Variants in ADGRL2 observed in about 807,000 individuals in gnomAD.
ADGRL2 encodes calcium-independent alpha-latrotoxin receptor 2.
Under a neutral mutation model 157.4 loss-of-function variants are expected in ADGRL2, and 44 were observed. The observed-to-expected ratio is 0.28, with a 90% confidence interval of 0.22 to 0.36. ADGRL2 has a LOEUF of 0.36. ADGRL2 is among the 10% of genes least tolerant of loss of function. The pLI, the probability that ADGRL2 is intolerant of heterozygous loss-of-function variation, is 1.00. For missense variants in ADGRL2, 1,510 were observed against 1,768.9 expected, an observed-to-expected ratio of 0.85 and a Z score of 2.63; for synonymous variants, 585 against 624.7, an observed-to-expected ratio of 0.94 and a Z score of 0.95.
chr1:81,602,376 C>T (rs1265304903), intron 3 of ADGRL2, among the ~76,000 whole-genome samples: 3 of 152,122 alleles, frequency 2.0e-5, no homozygotes, highest in South Asian at 2.1e-4. Flanking sequence ...AGGTAGATCA[C>T]GAGGTCAGGA....
intron 2 of ADGRL2, among the ~76,000 whole-genome samples, chr1:81,564,113 TA>T (rs2148465735): frequency 6.6e-6 from 1 of 152,308 alleles, no homozygotes; most frequent in East Asian, 1.9e-4. Context: ...TGTATATTCA[TA>T]GTCACTGATG....
intron 1 of ADGRL2, among the ~76,000 whole-genome samples, chr1:81,358,380 C>T (rs2075907793): frequency 6.6e-6 from 1 of 152,108 alleles, no homozygotes; most frequent in Admixed American, 6.5e-5. Flanking sequence ...CCATTGTATG[C>T]CCTGTGTACT....
chr1:81,372,221 A>G (rs2100993050), intron 1 of ADGRL2, among the ~76,000 whole-genome samples: 1 of 152,126 alleles, frequency 6.6e-6, no homozygotes, highest in Non-Finnish European at 1.5e-5. Context: ...ACTTTAATTA[A>G]TCATCTGAGA....
chr1:81,920,923 C>T (rs79302963), intron 3 of ADGRL2, among the ~76,000 whole-genome samples: 5 of 150,158 alleles, frequency 3.3e-5, no homozygotes, highest in African/African-American at 9.8e-5. Context: ...GCACTCAAAA[C>T]GTTTATCTTT....
intron 1 of ADGRL2, among the ~76,000 whole-genome samples, chr1:81,761,341 C>A (rs1370115428): frequency 6.6e-6 from 1 of 151,874 alleles, no homozygotes; most frequent in African/African-American, 2.4e-5. Flanking sequence ...ATAGTTTTAA[C>A]AGAGAGATAT....
At chr1:81,979,499 A>G (rs1320560370) in intron 17 of ADGRL2, among the ~76,000 whole-genome samples, 1 of 151,792 alleles carries the variant, frequency 6.6e-6, no homozygotes, top group African/African-American at 2.4e-5. Flanking sequence ...AAACCCAGCA[A>G]TTTTGTAGAT....
At chr1:81,500,709 A>G (rs543329335) in intron 2 of ADGRL2, among the ~76,000 whole-genome samples, 1 of 152,214 alleles carries the variant, frequency 6.6e-6, no homozygotes, top group Admixed American at 6.5e-5. Flanking sequence ...ATGATGAAAC[A>G]GTTGTGAAAA....
intron 1 of ADGRL2, among the ~76,000 whole-genome samples, chr1:81,360,009 T>A (rs542594822): frequency 2.6e-5 from 4 of 152,126 alleles, no homozygotes; most frequent in African/African-American, 9.6e-5. Context: ...GTGATCATTT[T>A]AAAACAATCG....
At chr1:81,746,076 A>G (rs901694946) in intron 1 of ADGRL2, among the ~76,000 whole-genome samples, 1 of 152,120 alleles carries the variant, frequency 6.6e-6, no homozygotes, top group South Asian at 2.1e-4. Context: ...ACCTTCAGAG[A>G]TATTTGTTTG....
intron 1 of ADGRL2, among the ~76,000 whole-genome samples, chr1:81,745,101 T>C (rs1175185472): frequency 1.3e-5 from 2 of 152,182 alleles, no homozygotes; most frequent in Non-Finnish European, 2.9e-5. Context: ...ATGACAAATA[T>C]GAGAGACTTC....
At chr1:81,521,605 T>A (rs1168971726) in intron 2 of ADGRL2, among the ~76,000 whole-genome samples, 1 of 152,078 alleles carries the variant, frequency 6.6e-6, no homozygotes, top group Non-Finnish European at 1.5e-5. Flanking sequence ...TGAAGCAGAG[T>A]CTGTAAGTGG....
Position 81,640,384 on chromosome 1 carries a change from C to T in ADGRL2, c.-143+59404C>T, listed in dbSNP as rs1012866531. On this transcript the variant is annotated intron_variant, in intron 3 of 24. Transcript: ENST00000370721. ...GCGCGGTGGCTCACACCTGTAATCC[C>T]GGCACTTTGAGAGGCCGAGGAAGGT... 5.9e-5 allele frequency among the ~76,000 whole-genome samples: 9 copies of T among 152,034 alleles called. No homozygotes were observed. In the South Asian group the frequency reaches 1.3e-3, roughly 21 times the overall value.
chr1:81,493,050 C>G (rs755523845), intron 2 of ADGRL2, among the ~76,000 whole-genome samples: 1 of 152,044 alleles, frequency 6.6e-6, no homozygotes, highest in Non-Finnish European at 1.5e-5. Flanking sequence ...GAAGAAAACT[C>G]CTTTTTAAAA....
At chr1:81,447,242 G>T (rs190936560) in intron 2 of ADGRL2, among the ~76,000 whole-genome samples, 2 of 152,138 alleles carry the variant, frequency 1.3e-5, no homozygotes, top group African/African-American at 4.8e-5. Context: ...CTGACTTAAA[G>T]ATATAATTCA....
intron 3 of ADGRL2, among the ~76,000 whole-genome samples, chr1:81,626,564 C>T (rs929495226): frequency 1.3e-5 from 2 of 152,196 alleles, no homozygotes; most frequent in Non-Finnish European, 2.9e-5. Context: ...GTGAGCACCG[C>T]GCCTGGCCTG....
chr1:81,626,750 G>A (rs1570674117), intron 3 of ADGRL2, among the ~76,000 whole-genome samples: 1 of 152,350 alleles, frequency 6.6e-6, no homozygotes, highest in East Asian at 1.9e-4. Context: ...GATCTGTGAA[G>A]GAATGTTCTA....
At chr1:81,367,995 C>T (rs1472024527) in intron 1 of ADGRL2, among the ~76,000 whole-genome samples, 2 of 152,176 alleles carry the variant, frequency 1.3e-5, no homozygotes, top group African/African-American at 4.8e-5. Context: ...CATACACGTG[C>T]ATGTATCTTT....
chr1:81,599,993 G>A (rs1480412616), intron 3 of ADGRL2, among the ~76,000 whole-genome samples: 1 of 152,190 alleles, frequency 6.6e-6, no homozygotes, highest in Non-Finnish European at 1.5e-5. Flanking sequence ...TAAGAAGTAT[G>A]TGTATCAAAT....
At chr1:81,946,438 CCTT>C (rs1263156684) in intron 6 of ADGRL2, among the ~76,000 whole-genome samples, 1 of 150,918 alleles carries the variant, frequency 6.6e-6, no homozygotes, top group African/African-American at 2.4e-5. Context: ...TCCTGTTTCA[CCTT>C]CTCCCTCTCT....
Sources: gnomAD v4.1 joint callset for allele counts (sites outside exome capture counted in the v4.1 genomes callset) on GRCh38, gnomAD v4.1.1 for gene constraint, MANE v1.5 for transcripts, NCBI Gene and HGNC (gene_info 2026-07-23, HGNC 2026-07-21) for gene names.